The following CORO2B variants were observed in gnomAD, a reference collection of about 807,000 sequenced individuals.
CORO2B encodes the protein coronin 2B, also known as coronin-2B.
In CORO2B, 26 loss-of-function variants were observed where a neutral mutation model predicts 58.8. The observed-to-expected ratio is 0.44, with a 90% CI of 0.32 to 0.61. CORO2B has a LOEUF of 0.61. CORO2B is among the 20% of genes least tolerant of loss of function. CORO2B has a pLI of 0.04. For synonymous variants in CORO2B, 242 were observed against 253.8 expected, an observed-to-expected ratio of 0.95 and a Z score of 0.44; for missense variants, 460 against 645.1, an observed-to-expected ratio of 0.71 and a Z score of 3.11.
chr15:68,701,414 C>G (rs1430537159), intron 3 of CORO2B, among the ~76,000 whole-genome samples: 1 of 150,254 alleles, frequency 6.7e-6, no homozygotes, highest in East Asian at 2.0e-4. Context: ...CGGGTTCAGG[C>G]CATTCTCCTG....
chr15:68,718,619 T>G (rs3751553), intron 8 of CORO2B, 79 bp from the exon 9 acceptor site: 10 of 1,252,112 alleles, frequency 8.0e-6, no homozygotes, highest in Admixed American at 1.9e-5. Flanking sequence ...GCCTTTCCCC[T>G]GGCCCAGAAC....
chr15:68,574,842 G>A (rs1049349923), upstream of CORO2B, among the ~76,000 whole-genome samples: 25 of 152,240 alleles, frequency 1.6e-4, no homozygotes, highest in Non-Finnish European at 2.9e-4. Context: ...GCTGGGCTTT[G>A]AAAGATGAAT....
intron 3 of CORO2B, among the ~76,000 whole-genome samples, chr15:68,698,430 C>G (rs1158860418): frequency 6.6e-6 from 1 of 152,194 alleles, no homozygotes; most frequent in East Asian, 1.9e-4. Context: ...AGCTCGGCGT[C>G]TTATTTAACC....
intron 1 of CORO2B, among the ~76,000 whole-genome samples, chr15:68,586,501 A>G (rs1241385400): frequency 6.6e-6 from 1 of 152,240 alleles, no homozygotes; most frequent in Admixed American, 6.5e-5. Context: ...GACCTTGATC[A>G]CTTCCTGCAT....
chr15:68,632,519 G>GT (rs1168422413), intron 1 of CORO2B, among the ~76,000 whole-genome samples: 1 of 152,200 alleles, frequency 6.6e-6, no homozygotes, highest in African/African-American at 2.4e-5. Context: ...ATGTTGGAAT[G>GT]TGAATTTTTT....
At chr15:68,575,486 C>G (rs1257025173), upstream of CORO2B, among the ~76,000 whole-genome samples, 1 of 150,548 alleles carries the variant, frequency 6.6e-6, no homozygotes, top group Non-Finnish European at 1.5e-5. Context: ...AGGTGCCCAC[C>G]ACCGCGTCTG....
At chr15:68,703,585 C>T (rs541528189) in intron 3 of CORO2B, among the ~76,000 whole-genome samples, 10 of 152,198 alleles carry the variant, frequency 6.6e-5, no homozygotes, top group African/African-American at 9.7e-5. Context: ...TGAACTCCAA[C>T]TCCTCCTGTG....
chr15:68,700,397 A>G (rs1485010516), intron 3 of CORO2B, among the ~76,000 whole-genome samples: 1 of 143,722 alleles, frequency 7.0e-6, no homozygotes, highest in East Asian at 1.9e-4. Context: ...TTCAGAGGAC[A>G]CTGGTGGGAT....
chr15:68,531,555 G>GGAAA, the CORO2B span, among the ~76,000 whole-genome samples: 70 of 77,824 alleles, frequency 9.0e-4, no homozygotes, highest in Non-Finnish European at 1.1e-3. Context: ...AAGGAAGGAA[G>GGAAA]GAAAGAAAGA....
Position 68,645,604 on chromosome 15 carries a change from G to A in CORO2B, c.216+244G>A, listed in dbSNP as rs1304409272. 6.6e-6 allele frequency among the ~76,000 whole-genome samples: 1 copy of A among 152,132 alleles called. No homozygotes were observed. The highest frequency in any genetic ancestry group is 2.4e-5 in the African/African-American group (1 of 41,418). ...TGCCTAAAGGTATGCACTTGGACAA[G>A]CCACTCCCTTGGTGTACACAAGGTT... On this transcript the variant is annotated intron_variant, in intron 2 of 11. Transcript: ENST00000261861. The surrounding 1 kb of genome is among the most constrained non-coding windows in gnomAD (Gnocchi z 4.5).
chr15:68,654,336 C>T (rs1188899035), intron 2 of CORO2B, among the ~76,000 whole-genome samples: 5 of 152,196 alleles, frequency 3.3e-5, no homozygotes, highest in Non-Finnish European at 7.3e-5. Flanking sequence ...AGAATCCATC[C>T]CTCTCCCTTG....
chr15:68,610,343 AGTGAAGGGCTG>A (rs1475976083), intron 1 of CORO2B, among the ~76,000 whole-genome samples: 3 of 152,282 alleles, frequency 2.0e-5, no homozygotes, highest in East Asian at 3.9e-4. Context: ...CTCAAGGCCT[AGTGAAGGGCTG>A]GGGGCTGGCT....
chr15:68,554,428 C>G, the CORO2B span, among the ~76,000 whole-genome samples: 5 of 152,172 alleles, frequency 3.3e-5, no homozygotes, highest in African/African-American at 9.7e-5. Context: ...GGAGAACCTC[C>G]AGCTGCCAGA....
upstream of CORO2B, chr15:68,578,860 G>C: frequency 3.7e-6 from 1 of 268,310 alleles, no homozygotes; most frequent in Non-Finnish European, 5.7e-6. This position sits in a 1 kb window ranked among gnomAD's most constrained non-coding sequence, Gnocchi z 4.2. Context: ...CGATCGAGCG[G>C]GAGGCTCGGG....
chr15:68,564,205 T>C, the CORO2B span, among the ~76,000 whole-genome samples: 2 of 152,364 alleles, frequency 1.3e-5, no homozygotes, highest in East Asian at 1.9e-4. Flanking sequence ...TAATAAATAT[T>C]GTTTTCAGCA....
At chr15:68,549,737 G>A in the CORO2B span, among the ~76,000 whole-genome samples, 1 of 152,104 alleles carries the variant, frequency 6.6e-6, no homozygotes, top group African/African-American at 2.4e-5. Context: ...TCAGGAGTTC[G>A]AGAGCAGCCT....
At position 68,719,508 on chromosome 15, in the gene CORO2B, G is replaced by A. The variant is rs148459295; in HGVS notation, c.1267G>A (p.Gly423Arg). ...AGAAAAGAAGAGTGTTGTGGTCAAC[G>A]GAATAGATTTATTAGAAAATGTCCC... ...IKEKKSVVVN[G>R]IDLLENVPPR... The change falls in exon 11 of 12, where the codon GGA becomes AGA. Residue 423 changes from glycine (G) to arginine (R), a missense_variant. Gly to Arg is a moderately radical substitution (Grantham distance 125). Around this residue, in one of 2 missense-constraint regions of CORO2B, gnomAD observed 108 missense variants for 102.1 expected, o/e 1.06. Transcript: ENST00000261861. The A allele has an allele frequency of 8.4e-5, 135 of 1,613,998 alleles. No homozygotes were observed. Among genetic ancestry groups the A allele is most frequent in the South Asian group, 2.3e-4 (21 of 91,086 alleles).
At chr15:68,578,977 C>T, upstream of CORO2B, 1 of 965,824 alleles carries the variant, frequency 1.0e-6, no homozygotes, top group Non-Finnish European at 1.2e-6. The surrounding 1 kb of genome is among the most constrained non-coding windows in gnomAD (Gnocchi z 4.2). Context: ...CCCGGGCCCT[C>T]TCCCTCTCTC....
chr15:68,595,613 A>G (rs999660775), intron 1 of CORO2B, among the ~76,000 whole-genome samples: 3 of 152,114 alleles, frequency 2.0e-5, no homozygotes, highest in Non-Finnish European at 4.4e-5. Context: ...CCTGTTTCCC[A>G]TGGTGGACTT....
Sources: gnomAD v4.1 joint callset for allele counts (sites outside exome capture counted in the v4.1 genomes callset) on GRCh38, gnomAD v4.1.1 for gene constraint, gnomAD v4.1.1 regional missense constraint, Gnocchi (gnomAD v3.1) non-coding constraint, MANE v1.5 for transcripts, NCBI Gene and HGNC (gene_info 2026-07-23, HGNC 2026-07-21) for gene names.